HTR4: variants seen among roughly 807,000 people sequenced by gnomAD.
HTR4 encodes 5-hydroxytryptamine receptor 4.
A neutral mutation model predicts 36.8 loss-of-function variants in HTR4; 16 were observed. That is an observed-to-expected ratio of 0.43 (90% CI 0.29 to 0.66). The LOEUF (loss-of-function observed/expected upper bound fraction) is 0.66. HTR4 is among the 30% of genes least tolerant of loss of function. The pLI is 0.13. For synonymous variants in HTR4, 189 were observed against 185.1 expected (o/e 1.02, Z -0.17); for missense variants, 438 against 490.9 (o/e 0.89, Z 1.02).
chr5:148,540,400 G>GTGTATA (rs1156826063), intron 4 of HTR4, among the ~76,000 whole-genome samples: 5 of 74,288 alleles, frequency 6.7e-5, no homozygotes, highest in African/African-American at 1.3e-4. Context: ...TTATGTGTGT[G>GTGTATA]TATATATATA....
At chr5:148,505,033 G>C (rs1161969632) in intron 6 of HTR4, among the ~76,000 whole-genome samples, 2 of 152,190 alleles carry the variant, frequency 1.3e-5, no homozygotes, top group Non-Finnish European at 2.9e-5. Context: ...TCCAGGATCA[G>C]ATGGATTCAC....
chr5:148,616,852 G>A (rs1328204568), intron 2 of HTR4, among the ~76,000 whole-genome samples: 1 of 151,928 alleles, frequency 6.6e-6, no homozygotes, highest in Admixed American at 6.6e-5. Context: ...AATGACTTCT[G>A]CACTACACCA....
chr5:148,585,486 C>T (rs767368221), intron 2 of HTR4, among the ~76,000 whole-genome samples: 7 of 152,140 alleles, frequency 4.6e-5, no homozygotes, highest in Non-Finnish European at 8.8e-5. Flanking sequence ...TGTTCAGAAC[C>T]ATGCTAGTCA....
At chr5:148,472,787 T>C (rs1267879781), downstream of HTR4, among the ~76,000 whole-genome samples, 4 of 152,108 alleles carry the variant, frequency 2.6e-5, no homozygotes, top group Non-Finnish European at 4.4e-5. Context: ...TTGGCCCAGT[T>C]TTACTTATTG....
chr5:148,472,041 CA>C (rs2113704948), downstream of HTR4, among the ~76,000 whole-genome samples: 1 of 152,278 alleles, frequency 6.6e-6, no homozygotes, highest in African/African-American at 2.4e-5. Context: ...TTCCACTCAC[CA>C]GTTTCCCACT....
intron 2 of HTR4, among the ~76,000 whole-genome samples, chr5:148,602,675 C>T (rs1451986657): frequency 1.3e-5 from 2 of 151,922 alleles, no homozygotes; most frequent in Non-Finnish European, 2.9e-5. Context: ...TTAAAACCAA[C>T]AACACAGAAA....
chr5:148,642,371 T>C (rs1753753471), intron 1 of HTR4, among the ~76,000 whole-genome samples: 1 of 152,204 alleles, frequency 6.6e-6, no homozygotes. Flanking sequence ...GGGCAGAGGA[T>C]GAACCCAAGG....
intron 2 of HTR4, among the ~76,000 whole-genome samples, chr5:148,590,766 C>G (rs1391650541): frequency 6.6e-6 from 1 of 151,404 alleles, no homozygotes; most frequent in Non-Finnish European, 1.5e-5. Context: ...TTCTCCCATT[C>G]TCCCAAAAGG....
intron 1 of HTR4, among the ~76,000 whole-genome samples, chr5:148,639,155 C>A (rs1255667950): frequency 2.0e-5 from 3 of 152,164 alleles, no homozygotes; most frequent in Admixed American, 6.5e-5. Flanking sequence ...CCACCAATTT[C>A]TTTCTCTGAA....
At chr5:148,467,099 G>T (rs1216232663) in intron 5 of HTR4, among the ~76,000 whole-genome samples, 1 of 152,154 alleles carries the variant, frequency 6.6e-6, no homozygotes, top group African/African-American at 2.4e-5. Context: ...AGGCAATAAG[G>T]ATCCATTCAC....
At chr5:148,471,381 A>G (rs1755564033) in intron 5 of HTR4, among the ~76,000 whole-genome samples, 1 of 152,060 alleles carries the variant, frequency 6.6e-6, no homozygotes, top group Non-Finnish European at 1.5e-5. Flanking sequence ...TCATTCCCCA[A>G]TATCTCAGCC....
At chr5:148,513,270 C>T (rs895028793) in intron 5 of HTR4, among the ~76,000 whole-genome samples, 5 of 152,126 alleles carry the variant, frequency 3.3e-5, no homozygotes. Context: ...GATTACAGGC[C>T]TGAGCCACTG....
chr5:148,490,629 A>G, intron 6 of HTR4: 1 of 1,174,308 alleles, frequency 8.5e-7, no homozygotes, highest in Non-Finnish European at 1.1e-6. Flanking sequence ...ACTAATGAAC[A>G]TTCAGTTCTT....
chr5:148,484,071 A>G (rs945136144), intron 6 of HTR4, among the ~76,000 whole-genome samples: 9 of 152,106 alleles, frequency 5.9e-5, no homozygotes, highest in African/African-American at 2.2e-4. Flanking sequence ...ATTCTAAATC[A>G]TAGCAATTTT....
At chr5:148,479,360 T>C (rs1377909139), downstream of HTR4, among the ~76,000 whole-genome samples, 1 of 152,120 alleles carries the variant, frequency 6.6e-6, no homozygotes, top group Non-Finnish European at 1.5e-5. Context: ...TCTTGGAGGT[T>C]ACCGAGAAGC....
At chr5:148,619,910 T>C (rs1752850768) in intron 2 of HTR4, among the ~76,000 whole-genome samples, 1 of 152,070 alleles carries the variant, frequency 6.6e-6, no homozygotes, top group Non-Finnish European at 1.5e-5. Flanking sequence ...CAATTGATAA[T>C]ATAAAAAAGG....
chr5:148,501,849 G>A (rs1756948440), intron 6 of HTR4, among the ~76,000 whole-genome samples: 1 of 152,080 alleles, frequency 6.6e-6, no homozygotes, highest in Admixed American at 6.6e-5. Context: ...CACAGGGTCA[G>A]GAGATCGAGA....
chr5:148,471,797 T>C (rs1265520979), downstream of HTR4, among the ~76,000 whole-genome samples: 1 of 152,212 alleles, frequency 6.6e-6, no homozygotes, highest in Non-Finnish European at 1.5e-5. Flanking sequence ...TGGCAAAAAT[T>C]GTGTGCATAT....
chr5:148,598,061 TC>T (rs1187491794), intron 2 of HTR4, among the ~76,000 whole-genome samples: 1 of 152,160 alleles, frequency 6.6e-6, no homozygotes, highest in East Asian at 1.9e-4. Flanking sequence ...AAAAGGTTTA[TC>T]TGGGATTACT....
Sources: gnomAD v4.1 joint callset for allele counts (sites outside exome capture counted in the v4.1 genomes callset) on GRCh38, gnomAD v4.1.1 for gene constraint, MANE v1.5 for transcripts, NCBI Gene and HGNC (gene_info 2026-07-23, HGNC 2026-07-21) for gene names.